GCNT1: variants seen among roughly 807,000 people sequenced by gnomAD.
The protein encoded by GCNT1 is beta-1,3-galactosyl-O-glycosyl-glycoprotein beta-1,6-N-acetylglucosaminyltransferase.
In GCNT1, 16 loss-of-function variants were observed where a neutral mutation model predicts 26.2. That is an observed-to-expected ratio of 0.61 (90% CI 0.41 to 0.93). The LOEUF is 0.93. GCNT1 is among the 40% of genes least tolerant of loss of function. The probability of loss-of-function intolerance (pLI) is 0.00; values close to 1 mark genes in which losing one functional copy is unlikely to be tolerated. For synonymous variants in GCNT1, 183 were observed against 190.8 expected, an observed-to-expected ratio of 0.96 and a Z score of 0.34; for missense variants, 477 against 526.7, an observed-to-expected ratio of 0.91 and a Z score of 0.92.
chr9:76,398,686 G>A, the GCNT1 span: 1 of 1,177,260 alleles, frequency 8.5e-7, no homozygotes, highest in African/African-American at 1.5e-5. Context: ...TAACTTAAAG[G>A]GAAACTTTCA....
At chr9:76,446,749 T>C (rs1823583707) in intron 1 of GCNT1, among the ~76,000 whole-genome samples, 1 of 152,180 alleles carries the variant, frequency 6.6e-6, no homozygotes, top group Non-Finnish European at 1.5e-5. Context: ...TAAACTAATA[T>C]GGAATGATTT....
chr9:76,394,377 CTGAGGAGCTGCGTCTCCGCTGGAGGG>C, the GCNT1 span: 1 of 499,234 alleles, frequency 2.0e-6, no homozygotes, highest in Non-Finnish European at 3.5e-6. Flanking sequence ...CGCCGGGCGC[CTGAGGAGCTGCGTCTCCGCTGGAGGG>C]CAGCGGAGAC....
the GCNT1 span, among the ~76,000 whole-genome samples, chr9:76,404,949 G>A: frequency 2.6e-5 from 4 of 151,904 alleles, no homozygotes; most frequent in Non-Finnish European, 4.4e-5. Context: ...CCAAGTAGCT[G>A]GGATCACAGG....
intron 1 of GCNT1, among the ~76,000 whole-genome samples, chr9:76,446,639 A>T (rs546593622): frequency 6.6e-6 from 1 of 152,334 alleles, no homozygotes; most frequent in Non-Finnish European, 1.5e-5. Flanking sequence ...TATAATAGCA[A>T]AAAACTGGAA....
chr9:76,476,883 T>C (rs1824264935), intron 2 of GCNT1, among the ~76,000 whole-genome samples: 1 of 152,184 alleles, frequency 6.6e-6, no homozygotes. Flanking sequence ...AATATATTGT[T>C]CTTCACTGTC....
intron 1 of GCNT1, among the ~76,000 whole-genome samples, chr9:76,435,951 CT>C (rs398046579): frequency 0.042 from 4,662 of 111,900 alleles, 48 homozygotes; most frequent in Non-Finnish European, 0.047. Flanking sequence ...GTTCCCATAT[CT>C]TTTTTTTTTT....
intron 2 of GCNT1, among the ~76,000 whole-genome samples, chr9:76,471,443 G>T (rs768887046): frequency 6.6e-6 from 1 of 152,130 alleles, no homozygotes; most frequent in Non-Finnish European, 1.5e-5. Flanking sequence ...GCTCCTGCCT[G>T]GGGCGCTTGA....
intron 2 of GCNT1, among the ~76,000 whole-genome samples, chr9:76,499,674 T>C (rs1825009632): frequency 6.6e-6 from 1 of 152,242 alleles, no homozygotes; most frequent in African/African-American, 2.4e-5. Context: ...TCAATATTAA[T>C]AGACTATTTT....
chr9:76,441,237 C>A (rs553858419), upstream of GCNT1, among the ~76,000 whole-genome samples: 4 of 152,162 alleles, frequency 2.6e-5, no homozygotes, highest in South Asian at 8.3e-4. Context: ...CATCCGCCTC[C>A]CGGCCTCAAG....
intron 1 of GCNT1, among the ~76,000 whole-genome samples, chr9:76,450,832 A>G (rs1823654388): frequency 6.6e-6 from 1 of 152,156 alleles, no homozygotes; most frequent in African/African-American, 2.4e-5. Context: ...TTTGTTTATG[A>G]TATATTTTGT....
rs979507713 is a variant in GCNT1 at position 76,505,318 on chromosome 9, A to C, written c.*1650A>C. ...TTTTATCATCATTTGTAAATGTGGA[A>C]GTTGGTGGATTGCTGTGTTTTTGCA... On this transcript the variant is annotated 3_prime_UTR_variant, in exon 4 of 4. Transcript: ENST00000376730. 5.7e-6 allele frequency: 1 copy of C among 176,000 alleles called. No individual in the cohort carries two copies. The highest frequency in any genetic ancestry group is 6.4e-5 in the Admixed American group (1 of 15,518). The allele number at this position is 176,000 out of a possible 1,614,324, so 10.9% of individuals were successfully genotyped here. A position where few individuals can be genotyped will look rare whatever the true frequency, so the allele number is the denominator to read the frequency against.
At chr9:76,426,881 A>T (rs1316160847) in intron 1 of GCNT1, among the ~76,000 whole-genome samples, 2 of 152,170 alleles carry the variant, frequency 1.3e-5, no homozygotes, top group Non-Finnish European at 2.9e-5. Context: ...ATTGCACTTC[A>T]GCCTGGGCAA....
intron 1 of GCNT1, among the ~76,000 whole-genome samples, chr9:76,424,166 A>T (rs1174992555): frequency 4.6e-5 from 7 of 152,228 alleles, no homozygotes; most frequent in Non-Finnish European, 1.0e-4. Flanking sequence ...ATCAGACTGT[A>T]ATATTTTGTT....
chr9:76,502,321 AT>A lies in GCNT1; in HGVS notation c.-59del, dbSNP rs1475892818. 117 of 1,182,912 alleles carry A rather than the reference AT, an allele frequency of 9.9e-5. No homozygotes were observed. The highest frequency in any genetic ancestry group is 5.3e-4 in the Admixed American group (25 of 46,982). 73.3% of individuals were successfully genotyped at this position (1,182,912 alleles called of 1,614,324 possible). ...TCAAGGCCACGACGGAGGGAAAATC[AT>A]TGGTGCTTGGAGCATAGAAGACTGC... On this transcript the variant is annotated 5_prime_UTR_variant, in exon 4 of 4. The change creates a new upstream start codon in the 5' untranslated region. Transcript: ENST00000376730.
At chr9:76,488,550 T>C (rs1824643513) in intron 2 of GCNT1, among the ~76,000 whole-genome samples, 1 of 152,192 alleles carries the variant, frequency 6.6e-6, no homozygotes, top group Non-Finnish European at 1.5e-5. Flanking sequence ...AATGGCACAG[T>C]CTCCGCTCAC....
At chr9:76,485,189 T>G (rs1320611631) in intron 2 of GCNT1, among the ~76,000 whole-genome samples, 1 of 148,316 alleles carries the variant, frequency 6.7e-6, no homozygotes, top group African/African-American at 2.5e-5. Flanking sequence ...TTATGTTTTT[T>G]GGAGATGGAG....
intron 2 of GCNT1, among the ~76,000 whole-genome samples, chr9:76,487,399 G>A (rs1219424942): frequency 1.3e-5 from 2 of 152,218 alleles, no homozygotes; most frequent in African/African-American, 2.4e-5. Flanking sequence ...AAATTGATAA[G>A]TATTCACTGG....
intron 2 of GCNT1, among the ~76,000 whole-genome samples, chr9:76,493,909 T>G (rs1445385323): frequency 6.6e-6 from 1 of 152,070 alleles, no homozygotes; most frequent in African/African-American, 2.4e-5. Context: ...AGAGAGAATA[T>G]TGGGGCCAGG....
chr9:76,440,871 C>G (rs1213061083), upstream of GCNT1, among the ~76,000 whole-genome samples: 1 of 151,940 alleles, frequency 6.6e-6, no homozygotes, highest in African/African-American at 2.4e-5. Context: ...CAAGACCAGC[C>G]TGACCAACAT....
Sources: allele counts gnomAD v4.1 joint callset (sites outside exome capture counted in the v4.1 genomes callset), GRCh38; gene constraint gnomAD v4.1.1; transcripts MANE v1.5; gene names NCBI Gene and HGNC (gene_info 2026-07-23, HGNC 2026-07-21).